The following ASPH variants were observed in gnomAD, a reference collection of about 807,000 sequenced individuals.
ASPH encodes the protein aspartyl/asparaginyl beta-hydroxylase.
Under a neutral mutation model 118.4 loss-of-function variants are expected in ASPH, and 100 were observed. The observed-to-expected ratio is 0.84, with a 90% confidence interval of 0.72 to 1.00. The LOEUF (loss-of-function observed/expected upper bound fraction) is 1.00, where lower values mean the gene tolerates loss of function less well. Ranked by LOEUF, ASPH falls within the 50% of genes least tolerant of loss-of-function variation. ASPH has a pLI of 0.00. For synonymous variants in ASPH, 315 were observed against 325.6 expected, an observed-to-expected ratio of 0.97 and a Z score of 0.35; for missense variants, 920 against 919.5, an observed-to-expected ratio of 1.00 and a Z score of -0.01.
intron 3 of ASPH, among the ~76,000 whole-genome samples, chr8:61,655,189 T>A (rs1740472608): frequency 6.6e-6 from 1 of 152,284 alleles, no homozygotes; most frequent in Middle Eastern, 3.4e-3. Flanking sequence ...CCCAGTGGTG[T>A]GACTACTCTG....
At chr8:61,686,102 A>G (rs370823469) in intron 1 of ASPH, among the ~76,000 whole-genome samples, 13 of 152,332 alleles carry the variant, frequency 8.5e-5, no homozygotes, top group African/African-American at 3.1e-4. Flanking sequence ...TGGATCCCTC[A>G]GAACCAGAGT....
chr8:61,682,372 A>G, intron 2 of ASPH: 1 of 1,469,656 alleles, frequency 6.8e-7, no homozygotes, highest in Non-Finnish European at 9.4e-7. Context: ...TAATTAAATT[A>G]GTAGAAAAAG....
chr8:61,578,923 T>C, intron 15 of ASPH: 1 of 1,611,632 alleles, frequency 6.2e-7, no homozygotes, highest in Non-Finnish European at 8.5e-7. Context: ...ATCCGGGAGC[T>C]GCAGTCCCAG....
rs776459864 is a variant in ASPH, at chr8:61,553,056, G to A, written c.1601C>T (p.Ala534Val). ...CTCTTTGTTCCCAACCCTCTGCATG[G>A]CATCCCCCAGGTGGAAATAAAATCT... ...DGRFYFHLGD[A>V]MQRVGNKEAY... is the part of the protein sequence containing the mutation. Residue 534 changes from alanine (A) to valine (V), a missense_variant, in exon 20 of 25, where the codon GCC becomes GTC. Physicochemically the swap from Ala to Val is moderately conservative, Grantham distance 64. Transcript: ENST00000379454. 1.2e-6 allele frequency: 2 copies of A among 1,613,284 alleles called. No individual in the cohort carries two copies. The highest frequency in any genetic ancestry group is 8.5e-7 in the Non-Finnish European group (1 of 1,179,486).
At chr8:61,600,926 A>T (rs1843781967) in intron 14 of ASPH, among the ~76,000 whole-genome samples, 2 of 151,386 alleles carry the variant, frequency 1.3e-5, no homozygotes, top group Non-Finnish European at 2.9e-5. Context: ...AAGGACAATA[A>T]AAAAGAGCTG....
chr8:61,573,864 T>G (rs965539727), intron 16 of ASPH, among the ~76,000 whole-genome samples: 10 of 152,034 alleles, frequency 6.6e-5, no homozygotes, highest in Admixed American at 6.5e-4. Flanking sequence ...CGAATTAAAC[T>G]AAAGAGCTTC....
At chr8:61,644,089 T>A in intron 7 of ASPH, 88 bp from the exon 8 acceptor site, 1 of 996,488 alleles carries the variant, frequency 1.0e-6, no homozygotes, top group Non-Finnish European at 1.5e-6. Flanking sequence ...TTTCTAGTTA[T>A]GATTGAAATG....
intron 1 of ASPH, 42 bp downstream of exon 1, chr8:61,714,227 C>A: frequency 7.0e-7 from 1 of 1,436,220 alleles, no homozygotes; most frequent in Non-Finnish European, 9.1e-7. Context: ...GCTCCCTACC[C>A]CGAGGCGAGG....
At chr8:61,626,735 A>AAAATC (rs1204210862) in intron 13 of ASPH, among the ~76,000 whole-genome samples, 2 of 151,278 alleles carry the variant, frequency 1.3e-5, no homozygotes, top group Non-Finnish European at 2.9e-5. Flanking sequence ...TTAAAAAATT[A>AAAATC]AAAATTAAAA....
intron 1 of ASPH, among the ~76,000 whole-genome samples, chr8:61,695,375 C>T (rs532594873): frequency 2.7e-4 from 41 of 152,314 alleles, no homozygotes; most frequent in African/African-American, 5.1e-4. Flanking sequence ...GGCCCCAGCC[C>T]GTGGCTCCAG....
intron 14 of ASPH, among the ~76,000 whole-genome samples, chr8:61,600,147 T>C (rs1031633607): frequency 1.3e-5 from 2 of 152,058 alleles, no homozygotes; most frequent in African/African-American, 4.8e-5. Context: ...AAAAACCATA[T>C]GATCATCTCA....
intron 21 of ASPH, among the ~76,000 whole-genome samples, chr8:61,531,647 T>C (rs1282295904): frequency 2.6e-5 from 4 of 152,108 alleles, no homozygotes; most frequent in Admixed American, 2.6e-4. Flanking sequence ...TGAGTTGATA[T>C]ACATCTTATA....
rs559386801 is a variant in ASPH, at chr8:61,581,464, A to T, written c.1062+2480T>A. Among the ~76,000 whole-genome samples, 52 of 152,372 alleles carry T rather than the reference A, an allele frequency of 3.4e-4. 2 individuals carry two copies. Among genetic ancestry groups the T allele is most frequent in the African/African-American group, 1.1e-3 (47 of 41,592 alleles). The stretch of plus-strand genomic sequence containing the variant: ...GGCCAATGGGCTGTGCGGAAGGATA[A>T]TAAGATACATTCCTGCAGCTGCATG... On this transcript the variant is annotated intron_variant, in intron 15 of 24. Coordinates refer to ENST00000379454, the MANE Select transcript of ASPH (RefSeq NM_004318.4).
intron 3 of ASPH, chr8:61,668,228 A>G: frequency 1.2e-6 from 2 of 1,605,060 alleles, no homozygotes; most frequent in Non-Finnish European, 1.7e-6. Context: ...GAAAAAATGA[A>G]AATACCTTTA....
chr8:61,577,509 T>C (rs1185200382), intron 15 of ASPH, among the ~76,000 whole-genome samples: 1 of 151,794 alleles, frequency 6.6e-6, no homozygotes, highest in Non-Finnish European at 1.5e-5. Context: ...TTCTACCATG[T>C]TCTCGAATAT....
intron 3 of ASPH, chr8:61,675,814 C>T (rs879422292): frequency 1.1e-4 from 143 of 1,263,268 alleles, no homozygotes; most frequent in Non-Finnish European, 1.3e-4. Context: ...ACCAATTATA[C>T]CACCAAGAAC....
At chr8:61,604,727 A>C (rs1294100743) in intron 14 of ASPH, among the ~76,000 whole-genome samples, 1 of 152,224 alleles carries the variant, frequency 6.6e-6, no homozygotes. Flanking sequence ...CATGGTTTTA[A>C]ACTTGCACAC....
chr8:61,576,404 C>T (rs1021832495), intron 16 of ASPH, among the ~76,000 whole-genome samples: 1 of 152,194 alleles, frequency 6.6e-6, no homozygotes, highest in African/African-American at 2.4e-5. Context: ...AAAGGTCTTT[C>T]CTAAGCATAC....
intron 4 of ASPH, among the ~76,000 whole-genome samples, chr8:61,653,142 G>A (rs1212766335): frequency 1.3e-5 from 2 of 152,148 alleles, no homozygotes; most frequent in East Asian, 3.9e-4. Flanking sequence ...GGTTTGGGAA[G>A]TCTTTTAAAA....
Sources: allele counts gnomAD v4.1 joint callset (sites outside exome capture counted in the v4.1 genomes callset), GRCh38; gene constraint gnomAD v4.1.1; transcripts MANE v1.5; gene names NCBI Gene and HGNC (gene_info 2026-07-23, HGNC 2026-07-21).